Variants in TSPAN18 observed in about 807,000 individuals in gnomAD.
The protein encoded by TSPAN18 is tetraspanin 18.
TSPAN18 carries 14 observed loss-of-function variants against 27.3 expected under a neutral mutation model. The observed-to-expected ratio is 0.51, with a 90% CI of 0.34 to 0.80. TSPAN18 has a LOEUF of 0.80. TSPAN18 is among the 30% of genes least tolerant of loss of function. The probability of loss-of-function intolerance (pLI) is 0.01; values close to 1 mark genes in which losing one functional copy is unlikely to be tolerated. For synonymous variants in TSPAN18, 143 were observed against 136.5 expected (o/e 1.05, Z -0.33); for missense variants, 268 against 323.9 (o/e 0.83, Z 1.32).
intron 2 of TSPAN18, among the ~76,000 whole-genome samples, chr11:44,818,964 A>G (rs1355389196): frequency 6.6e-6 from 1 of 152,048 alleles, no homozygotes; most frequent in Non-Finnish European, 1.5e-5. Context: ...CTGGTAGTCC[A>G]GGGTTGGGCC....
chr11:44,887,875 C>T (rs906193786), intron 3 of TSPAN18, among the ~76,000 whole-genome samples: 1 of 152,184 alleles, frequency 6.6e-6, no homozygotes, highest in Admixed American at 6.5e-5. Context: ...CCTTAATACC[C>T]GTGAAGCCAT....
chr11:44,731,282 A>G (rs960825225), intron 1 of TSPAN18, among the ~76,000 whole-genome samples: 1 of 152,172 alleles, frequency 6.6e-6, no homozygotes, highest in Non-Finnish European at 1.5e-5. Flanking sequence ...TAGAGGCAGC[A>G]GTGCGTGGTG....
intron 2 of TSPAN18, among the ~76,000 whole-genome samples, chr11:44,806,921 T>C (rs1469124226): frequency 1.3e-5 from 2 of 152,172 alleles, no homozygotes; most frequent in Admixed American, 1.3e-4. Context: ...GCTTTTTATT[T>C]CAATGGTTAT....
At chr11:44,806,381 T>A (rs1466530661) in intron 2 of TSPAN18, among the ~76,000 whole-genome samples, 1 of 152,204 alleles carries the variant, frequency 6.6e-6, no homozygotes, top group Admixed American at 6.5e-5. Context: ...CATATGTAGT[T>A]CCTAACAATT....
At chr11:44,900,680 C>CTTTTTTTTTTTTT (rs72469181) in intron 3 of TSPAN18, among the ~76,000 whole-genome samples, 1 of 49,702 alleles carries the variant, frequency 2.0e-5, no homozygotes, top group African/African-American at 9.0e-5. Context: ...TTGAGGAAGG[C>CTTTTTTTTTTTTT]TTTTTTTTTT....
chr11:44,885,654 C>T (rs751116556), intron 3 of TSPAN18, among the ~76,000 whole-genome samples: 12 of 152,134 alleles, frequency 7.9e-5, no homozygotes, highest in Non-Finnish European at 1.8e-4. Flanking sequence ...GGAAAGAAAA[C>T]AGGACTCTCT....
intron 2 of TSPAN18, among the ~76,000 whole-genome samples, chr11:44,814,182 A>C (rs1856775677): frequency 6.6e-6 from 1 of 152,216 alleles, no homozygotes; most frequent in Non-Finnish European, 1.5e-5. Context: ...TTTTTAAAAA[A>C]AGTCAGGACT....
chr11:44,832,455 A>G (rs1165035028), intron 2 of TSPAN18, among the ~76,000 whole-genome samples: 1 of 151,776 alleles, frequency 6.6e-6, no homozygotes, highest in African/African-American at 2.4e-5. Flanking sequence ...TCCCCAGCCC[A>G]GTTTCTGTTT....
At chr11:44,888,682 C>A (rs1858742854) in intron 3 of TSPAN18, among the ~76,000 whole-genome samples, 1 of 152,140 alleles carries the variant, frequency 6.6e-6, no homozygotes, top group Non-Finnish European at 1.5e-5. Context: ...TCTGATTTTG[C>A]TATGAGCCTC....
chr11:44,734,075 C>T (rs923747027), intron 1 of TSPAN18, among the ~76,000 whole-genome samples: 4 of 152,020 alleles, frequency 2.6e-5, no homozygotes, highest in Non-Finnish European at 5.9e-5. Flanking sequence ...CTGGCTCCTC[C>T]CTCCCCTCTC....
chr11:44,803,627 G>T (rs769320025), intron 2 of TSPAN18, among the ~76,000 whole-genome samples: 4 of 152,136 alleles, frequency 2.6e-5, no homozygotes, highest in Non-Finnish European at 4.4e-5. Context: ...AGAAGCTGCC[G>T]CCCTGGAGTG....
intron 2 of TSPAN18, among the ~76,000 whole-genome samples, chr11:44,837,944 G>A (rs1857296138): frequency 6.6e-6 from 1 of 152,148 alleles, no homozygotes; most frequent in African/African-American, 2.4e-5. Flanking sequence ...ATTTTATTGT[G>A]ATATTTGCTT....
At chr11:44,730,208 G>A (rs1854618668) in intron 1 of TSPAN18, among the ~76,000 whole-genome samples, 1 of 152,154 alleles carries the variant, frequency 6.6e-6, no homozygotes, top group Non-Finnish European at 1.5e-5. Flanking sequence ...AGGACAAAGT[G>A]CCCAGCAGTT....
At chr11:44,881,198 AC>A (rs1858480238) in intron 3 of TSPAN18, among the ~76,000 whole-genome samples, 1 of 152,196 alleles carries the variant, frequency 6.6e-6, no homozygotes. Flanking sequence ...GGAATGGATA[AC>A]CATGTCTGGC....
At chr11:44,766,147 C>A (rs1054844884) in intron 2 of TSPAN18, among the ~76,000 whole-genome samples, 1 of 152,214 alleles carries the variant, frequency 6.6e-6, no homozygotes, top group Non-Finnish European at 1.5e-5. Flanking sequence ...AGTCACCAAT[C>A]TGATAGTTCA....
At chr11:44,731,633 T>TGTGTGAGAGAGAGAGA (rs139154582) in intron 1 of TSPAN18, among the ~76,000 whole-genome samples, 3 of 107,436 alleles carry the variant, frequency 2.8e-5, no homozygotes, top group Non-Finnish European at 5.6e-5. Flanking sequence ...TGTGTGTGTG[T>TGTGTGAGAGAGAGAGA]GAGAGAGAGA....
intron 2 of TSPAN18, among the ~76,000 whole-genome samples, chr11:44,807,167 G>A (rs559996722): frequency 5.4e-5 from 7 of 129,144 alleles, no homozygotes; most frequent in Admixed American, 8.9e-5. Flanking sequence ...CACCCAGCCT[G>A]GCTAAGTAGC....
intron 1 of TSPAN18, among the ~76,000 whole-genome samples, chr11:44,740,081 C>T (rs1854896222): frequency 6.6e-6 from 1 of 152,222 alleles, no homozygotes; most frequent in Non-Finnish European, 1.5e-5. Context: ...AGGGTGGCTA[C>T]CGGGTCAGTG....
At chr11:44,843,162 G>A (rs942361443) in intron 2 of TSPAN18, among the ~76,000 whole-genome samples, 1 of 152,114 alleles carries the variant, frequency 6.6e-6, no homozygotes, top group African/African-American at 2.4e-5. Flanking sequence ...TATATGGGGG[G>A]ACCTGCCCCA....
Sources: allele counts gnomAD v4.1 joint callset (sites outside exome capture counted in the v4.1 genomes callset), GRCh38; gene constraint gnomAD v4.1.1; transcripts MANE v1.5; gene names NCBI Gene and HGNC (gene_info 2026-07-23, HGNC 2026-07-21).